The following TENM3 variants were observed in gnomAD, a reference collection of about 807,000 sequenced individuals.
TENM3 encodes the protein teneurin-3.
Under a neutral mutation model 255.1 loss-of-function variants are expected in TENM3, and 63 were observed. That is an observed-to-expected ratio of 0.25 (90% confidence interval 0.20 to 0.30). The LOEUF is 0.30. Ranked by LOEUF, TENM3 falls within the 10% of genes least tolerant of loss-of-function variation. The probability of loss-of-function intolerance (pLI) is 1.00; values close to 1 mark genes in which losing one functional copy is unlikely to be tolerated. For missense variants in TENM3, 2,929 were observed against 3,461.1 expected, an observed-to-expected ratio of 0.85 and a Z score of 3.86; for synonymous variants, 1,306 against 1,322.3, an observed-to-expected ratio of 0.99 and a Z score of 0.27.
chr4:182,259,838 C>T (rs902321885), intron 1 of TENM3, among the ~76,000 whole-genome samples: 3 of 152,010 alleles, frequency 2.0e-5, no homozygotes, highest in African/African-American at 4.8e-5. Context: ...CCTACTGATC[C>T]GTGAAACACT....
At chr4:181,511,187 A>G in the TENM3 span, among the ~76,000 whole-genome samples, 1 of 152,244 alleles carries the variant, frequency 6.6e-6, no homozygotes, top group Non-Finnish European at 1.5e-5. Context: ...TAGACAGGGC[A>G]GTGCTATGGC....
intron 3 of TENM3, among the ~76,000 whole-genome samples, chr4:182,584,356 A>G (rs1745797674): frequency 2.0e-5 from 3 of 152,186 alleles, no homozygotes; most frequent in Admixed American, 2.0e-4. Context: ...GCCATAAAAC[A>G]TAAAGTTGTT....
At chr4:181,661,264 A>G in the TENM3 span, among the ~76,000 whole-genome samples, 1 of 152,272 alleles carries the variant, frequency 6.6e-6, no homozygotes. Flanking sequence ...CGAGCTGACT[A>G]TTTATGAGTC....
chr4:182,298,749 G>C (rs1218570788), intron 1 of TENM3, among the ~76,000 whole-genome samples: 1 of 151,874 alleles, frequency 6.6e-6, no homozygotes, highest in Non-Finnish European at 1.5e-5. Context: ...GAGGCAGGTG[G>C]ATCACCTGAG....
the TENM3 span, among the ~76,000 whole-genome samples, chr4:181,739,288 G>A: frequency 1.3e-5 from 2 of 152,114 alleles, no homozygotes; most frequent in South Asian, 4.1e-4. Context: ...TTGTCCAAAT[G>A]TCGAAACCAA....
At chr4:181,729,336 C>CT in the TENM3 span, among the ~76,000 whole-genome samples, 1 of 152,110 alleles carries the variant, frequency 6.6e-6, no homozygotes, top group Admixed American at 6.5e-5. Context: ...TTGCTCTAAA[C>CT]GTGCTTGCCA....
the TENM3 span, among the ~76,000 whole-genome samples, chr4:181,634,989 A>G: frequency 6.6e-6 from 1 of 152,184 alleles, no homozygotes; most frequent in Non-Finnish European, 1.5e-5. Context: ...AGCAGGAAAG[A>G]GAAAAATATA....
chr4:182,178,429 A>G (rs1752650363), intron 1 of TENM3, among the ~76,000 whole-genome samples: 1 of 152,192 alleles, frequency 6.6e-6, no homozygotes, highest in African/African-American at 2.4e-5. Context: ...GTAGTGATTC[A>G]AACAATGTGA....
At chr4:182,736,524 T>C (rs1761179495) in intron 16 of TENM3, among the ~76,000 whole-genome samples, 1 of 152,200 alleles carries the variant, frequency 6.6e-6, no homozygotes. Context: ...TCAGAATAAA[T>C]GACAGGAGGC....
At chr4:182,649,883 T>C (rs1365271805) in intron 5 of TENM3, among the ~76,000 whole-genome samples, 1 of 150,348 alleles carries the variant, frequency 6.7e-6, no homozygotes, top group East Asian at 2.0e-4. Flanking sequence ...TCCTTCTCTA[T>C]GGATTTTCAC....
intron 1 of TENM3, among the ~76,000 whole-genome samples, chr4:182,265,183 A>G (rs1322770416): frequency 1.3e-5 from 2 of 152,058 alleles, no homozygotes; most frequent in East Asian, 3.9e-4. Flanking sequence ...GACGTTTTTG[A>G]GTTTTGGGGG....
chr4:181,653,983 G>A, the TENM3 span, among the ~76,000 whole-genome samples: 1 of 151,598 alleles, frequency 6.6e-6, no homozygotes, highest in African/African-American at 2.4e-5. Flanking sequence ...TTCTTTGGTT[G>A]GTGCCATCAT....
chr4:181,515,273 G>A, the TENM3 span, among the ~76,000 whole-genome samples: 9,425 of 152,192 alleles, frequency 0.062, 387 homozygotes, highest in South Asian at 0.14. Flanking sequence ...TGTTCTCTTT[G>A]CTCTCATCAT....
the TENM3 span, among the ~76,000 whole-genome samples, chr4:181,879,134 G>A: frequency 6.6e-6 from 1 of 152,146 alleles, no homozygotes; most frequent in Non-Finnish European, 1.5e-5. Flanking sequence ...GTTACTATTT[G>A]ATGAGTCCAT....
At chr4:181,579,985 TTTTATTTTATTTTATTTTA>T in the TENM3 span, among the ~76,000 whole-genome samples, 2 of 133,024 alleles carry the variant, frequency 1.5e-5, no homozygotes, top group Admixed American at 7.6e-5. Context: ...TTTTATTTTA[TTTTATTTTATTTTATTTTA>T]TTTATTTTTT....
chr4:181,561,497 C>T, the TENM3 span, among the ~76,000 whole-genome samples: 2 of 152,080 alleles, frequency 1.3e-5, no homozygotes, highest in Admixed American at 6.6e-5. Flanking sequence ...AAAGATTATT[C>T]GTAATTTCAC....
chr4:181,488,306 A>G, the TENM3 span, among the ~76,000 whole-genome samples: 1 of 152,218 alleles, frequency 6.6e-6, no homozygotes, highest in African/African-American at 2.4e-5. Flanking sequence ...TTGCTTCATC[A>G]GTACAATTGG....
chr4:181,941,309 A>ATG, the TENM3 span, among the ~76,000 whole-genome samples: 9 of 99,614 alleles, frequency 9.0e-5, no homozygotes, highest in Non-Finnish European at 4.4e-5. Context: ...CTTTTGTTTG[A>ATG]TGTTTTTTTT....
chr4:181,702,715 A>G, the TENM3 span, among the ~76,000 whole-genome samples: 1 of 152,228 alleles, frequency 6.6e-6, no homozygotes, highest in South Asian at 2.1e-4. Flanking sequence ...ACTTACCATT[A>G]ACATAATTAG....
Sources: allele counts gnomAD v4.1 joint callset (sites outside exome capture counted in the v4.1 genomes callset), GRCh38; gene constraint gnomAD v4.1.1; transcripts MANE v1.5; gene names NCBI Gene and HGNC (gene_info 2026-07-23, HGNC 2026-07-21).